The following FBXO15 variants were observed in gnomAD, a reference collection of about 807,000 sequenced individuals.
FBXO15 encodes the protein F-box protein 15.
In FBXO15, 30 loss-of-function variants were observed where a neutral mutation model predicts 49.5. That is an observed-to-expected ratio of 0.61 (90% CI 0.45 to 0.82). FBXO15 has a LOEUF of 0.82. FBXO15 is among the 40% of genes least tolerant of loss of function. The pLI is 0.00. For missense variants in FBXO15, 591 were observed against 631.5 expected (o/e 0.94, Z 0.69); for synonymous variants, 250 against 232.7 (o/e 1.07, Z -0.68).
intron 9 of FBXO15, among the ~76,000 whole-genome samples, chr18:74,078,333 C>G (rs183425504): frequency 1.3e-5 from 2 of 149,254 alleles, no homozygotes; most frequent in African/African-American, 2.5e-5. Context: ...TTCAAGGCCC[C>G]CCCCCGACCT....
At chr18:74,105,558 G>A (rs1196228691) in intron 8 of FBXO15, among the ~76,000 whole-genome samples, 3 of 151,784 alleles carry the variant, frequency 2.0e-5, no homozygotes, top group African/African-American at 7.3e-5. Context: ...TCCTGCCTCA[G>A]CCTCCTGAGT....
In FBXO15 at chr18:74,119,828, G is replaced by T. The variant is rs1291945609; in HGVS notation, c.1138+3540C>A. Among the ~76,000 whole-genome samples, 7 of 152,178 alleles carry T rather than the reference G, an allele frequency of 4.6e-5. No homozygotes were observed. In the East Asian group the frequency reaches 1.3e-3, roughly 29 times the overall value. ...GGGGAGGCAGAGTGGGGACACACAGGGCTCTGTAACGGTTCACAAGGTTTA... is the reference window on the plus strand; with the variant it reads ...GGGGAGGCAGAGTGGGGACACACAGTGCTCTGTAACGGTTCACAAGGTTTA... On this transcript the variant is annotated intron_variant, in intron 8 of 9. Coordinates refer to ENST00000419743, the MANE Select transcript of FBXO15 (RefSeq NM_001142958.2).
At chr18:74,124,069 C>A (rs772599197) in intron 7 of FBXO15, among the ~76,000 whole-genome samples, 2 of 151,878 alleles carry the variant, frequency 1.3e-5, no homozygotes, top group Non-Finnish European at 2.9e-5. Flanking sequence ...GAAGCCTGTG[C>A]GCCACCTAAA....
intron 8 of FBXO15, among the ~76,000 whole-genome samples, chr18:74,106,435 T>C (rs999742096): frequency 1.2e-4 from 19 of 152,178 alleles, no homozygotes; most frequent in African/African-American, 3.4e-4. Flanking sequence ...ATGGAACCAA[T>C]TGAACATGAA....
intron 8 of FBXO15, among the ~76,000 whole-genome samples, chr18:74,117,690 C>T (rs149165304): frequency 4.6e-5 from 7 of 152,188 alleles, no homozygotes; most frequent in African/African-American, 7.2e-5. Context: ...ACAGCTCAGG[C>T]GTGCTGTGAA....
At chr18:74,097,039 C>T (rs567948387) in intron 8 of FBXO15, 1 of 152,356 alleles carries the variant, frequency 6.6e-6, no homozygotes, top group East Asian at 1.9e-4. Flanking sequence ...TTTAGAGAGC[C>T]GAGTGAAATA....
At chr18:74,085,669 CA>C (rs1318297310) in intron 8 of FBXO15, among the ~76,000 whole-genome samples, 1 of 152,172 alleles carries the variant, frequency 6.6e-6, no homozygotes, top group Non-Finnish European at 1.5e-5. Flanking sequence ...CTTTTACAAG[CA>C]ATTGATTTTT....
chr18:74,123,289 T>A (rs544982039), intron 8 of FBXO15, 79 bp downstream of exon 8: 78 of 1,480,988 alleles, frequency 5.3e-5, no homozygotes, highest in Non-Finnish European at 6.6e-5. Flanking sequence ...TGAGGGCAAT[T>A]CTTAACTCGG....
At chr18:74,093,011 G>A (rs1446141477) in intron 8 of FBXO15, among the ~76,000 whole-genome samples, 4 of 152,146 alleles carry the variant, frequency 2.6e-5, no homozygotes, top group African/African-American at 9.7e-5. Flanking sequence ...ACAGGGGCAG[G>A]GTGCTGGCAG....
At chr18:74,128,139 A>C (rs1220637195) in intron 5 of FBXO15, among the ~76,000 whole-genome samples, 1 of 152,208 alleles carries the variant, frequency 6.6e-6, no homozygotes, top group African/African-American at 2.4e-5. Context: ...TATATTTAGG[A>C]AAAATAATTC....
intron 2 of FBXO15, among the ~76,000 whole-genome samples, chr18:74,139,503 C>T (rs62097050): frequency 0.087 from 13,274 of 152,204 alleles, 818 homozygotes; most frequent in Admixed American, 0.2. Flanking sequence ...AATGTGTATA[C>T]AGATATGTAC....
intron 8 of FBXO15, among the ~76,000 whole-genome samples, chr18:74,088,616 T>C (rs1335412760): frequency 2.0e-5 from 3 of 152,200 alleles, no homozygotes; most frequent in Non-Finnish European, 4.4e-5. Flanking sequence ...CCTTGTAATA[T>C]AGTTTGAAGT....
chr18:74,082,037 C>T lies in FBXO15; in HGVS notation c.1153G>A (p.Gly385Arg), dbSNP rs773211550. 3 of 1,610,858 alleles carry T rather than the reference C, an allele frequency of 1.9e-6. No individual in the cohort carries two copies. In the South Asian group the frequency reaches 3.3e-5, roughly 18 times the overall value. The part of the protein sequence containing the change: ...LFTKRGNIEN[G>R]HVKLIVIHLK... ...TGTATAACAATGAGCTTCACATGTC[C>T]ATTTTCAATATTTCCTGAAAAGATA... Residue 385 changes from glycine (G) to arginine (R), a missense_variant, in exon 9 of 10, where the codon GGA becomes AGA. Physicochemically the swap from Gly to Arg is moderately radical, Grantham distance 125. Coordinates refer to ENST00000419743, the MANE Select transcript of FBXO15 (RefSeq NM_001142958.2).
chr18:74,141,875 C>T (rs62097051), intron 1 of FBXO15, among the ~76,000 whole-genome samples: 13,289 of 152,232 alleles, frequency 0.087, 817 homozygotes, highest in Admixed American at 0.2. Flanking sequence ...AGGCACAAGT[C>T]TCCACATGCT....
rs1239761657 is a variant in FBXO15, at chr18:74,134,944, T to A, written c.332+818A>T. Among the ~76,000 whole-genome samples the A allele has an allele frequency of 4.6e-5, 7 of 152,188 alleles. No homozygotes were observed. In the East Asian group the frequency reaches 1.4e-3, roughly 29 times the overall value. ...CTCTCATCTTGCTGATCTCCCCAGC[T>A]GACATGCAGGTTCTATGTAGGAATG... On this transcript the variant is annotated intron_variant, in intron 3 of 9. Coordinates refer to ENST00000419743, the MANE Select transcript of FBXO15 (RefSeq NM_001142958.2).
intron 8 of FBXO15, among the ~76,000 whole-genome samples, chr18:74,096,060 G>T (rs1913258984): frequency 2.0e-5 from 3 of 152,056 alleles, no homozygotes; most frequent in Admixed American, 2.0e-4. Context: ...GCAACTCATG[G>T]TCTCCACAAT....
At position 74,123,514 on chromosome 18, in the gene FBXO15, A is replaced by C; in HGVS notation, c.996-4T>G. 6.3e-7 allele frequency: 1 copy of C among 1,587,022 alleles called. No individual in the cohort carries two copies. Among genetic ancestry groups the C allele is most frequent in the Non-Finnish European group, 8.5e-7 (1 of 1,173,002 alleles). ...ATGTGGAGGCAGTTCATAGGGGCTG[A>C]AAAGCAAAACAAAAGAAACATACAA... is the stretch of plus-strand genomic sequence containing the variant. On this transcript the variant is annotated splice_region_variant and splice_polypyrimidine_tract_variant and intron_variant, in intron 7 of 9. Transcript: ENST00000419743.
chr18:74,143,430 C>G (rs1385141227), intron 1 of FBXO15, among the ~76,000 whole-genome samples: 1 of 152,102 alleles, frequency 6.6e-6, no homozygotes, highest in Non-Finnish European at 1.5e-5. Flanking sequence ...TCATTTACTG[C>G]CCGTAAGACA....
At chr18:74,088,431 T>C (rs576941004) in intron 8 of FBXO15, among the ~76,000 whole-genome samples, 12 of 152,248 alleles carry the variant, frequency 7.9e-5, no homozygotes, top group Admixed American at 2.6e-4. Context: ...GCTAGCCAGT[T>C]ATCCCTGCAT....
Sources: allele counts gnomAD v4.1 joint callset (sites outside exome capture counted in the v4.1 genomes callset), GRCh38; gene constraint gnomAD v4.1.1; transcripts MANE v1.5; gene names NCBI Gene and HGNC (gene_info 2026-07-23, HGNC 2026-07-21).